Variants in NR6A1 observed in about 807,000 individuals in gnomAD.
The protein encoded by NR6A1 is nuclear receptor subfamily 6 group A member 1.
NR6A1 carries 7 observed loss-of-function variants against 59.1 expected under a neutral mutation model. The observed-to-expected ratio is 0.12, with a 90% CI of 0.07 to 0.22. The LOEUF (loss-of-function observed/expected upper bound fraction) is 0.22. Among genes scored for constraint, NR6A1 ranks in the 10% least tolerant of loss-of-function variants. NR6A1 has a pLI of 1.00. For missense variants in NR6A1, 468 were observed against 611.6 expected (o/e 0.77, Z 2.48); for synonymous variants, 243 against 236.1 (o/e 1.03, Z -0.27).
chr9:124,598,940 CAG>C lies in NR6A1; in HGVS notation c.143-44372_143-44371del, dbSNP rs563372543. 277 of 705,268 alleles carry C rather than the reference CAG, an allele frequency of 3.9e-4. 1 individual carries two copies. Among genetic ancestry groups the C allele is most frequent in the African/African-American group, 3.7e-3 (213 of 57,220 alleles). 43.7% of individuals were successfully genotyped at this position (705,268 alleles called of 1,614,324 possible). On this transcript the variant is annotated intron_variant, in intron 2 of 9. Coordinates refer to ENST00000487099, the MANE Select transcript of NR6A1 (RefSeq NM_033334.4). The stretch of plus-strand genomic sequence containing the variant: ...CTTGGGGCACTCGTCGTTCCAGACT[CAG>C]GCATGGTCATTACCCACGTTGGGTT...
chr9:124,604,791 G>C (rs779992854), intron 2 of NR6A1, among the ~76,000 whole-genome samples: 16 of 151,864 alleles, frequency 1.1e-4, no homozygotes, highest in Non-Finnish European at 2.1e-4. Flanking sequence ...TCCAGCCTGA[G>C]TGACAGAGCA....
intron 2 of NR6A1, among the ~76,000 whole-genome samples, chr9:124,666,777 GA>G (rs2130956762): frequency 6.6e-6 from 1 of 152,220 alleles, no homozygotes; most frequent in South Asian, 2.1e-4. Flanking sequence ...CAATAAACAA[GA>G]CAAAGGTGTT....
Position 124,765,476 on chromosome 9 carries a change from T to C in NR6A1, c.100+5544A>G, listed in dbSNP as rs542004316. On this transcript the variant is annotated intron_variant, in intron 1 of 9. Transcript: ENST00000487099. ...AAAAATTTGGGAGTTCAATTATTCC[T>C]ATAATTTTTTTAAGAACAAAAATTC... 3.9e-5 allele frequency among the ~76,000 whole-genome samples: 6 copies of C among 152,370 alleles called. No individual in the cohort carries two copies. In the East Asian group the frequency reaches 9.6e-4, roughly 24 times the overall value.
At chr9:124,628,436 C>A (rs528066825) in intron 2 of NR6A1, among the ~76,000 whole-genome samples, 1 of 152,054 alleles carries the variant, frequency 6.6e-6, no homozygotes, top group African/African-American at 2.4e-5. Context: ...CTGGGCCTCG[C>A]AGGTTCAAGC....
chr9:124,554,801 G>C (rs1178964337), intron 2 of NR6A1, among the ~76,000 whole-genome samples: 1 of 152,058 alleles, frequency 6.6e-6, no homozygotes, highest in Non-Finnish European at 1.5e-5. Flanking sequence ...TCAACACTTG[G>C]ATCAGTATCT....
chr9:124,714,823 A>G (rs1014966519), intron 2 of NR6A1, among the ~76,000 whole-genome samples: 2 of 152,198 alleles, frequency 1.3e-5, no homozygotes, highest in African/African-American at 2.4e-5. Flanking sequence ...TAAGATCTCA[A>G]CACTAAACTT....
intron 2 of NR6A1, among the ~76,000 whole-genome samples, chr9:124,662,476 C>A (rs560672236): frequency 4.8e-4 from 73 of 152,000 alleles, no homozygotes; most frequent in African/African-American, 1.5e-3. Flanking sequence ...TAGAACGGCT[C>A]GCAGTGAAGT....
chr9:124,564,684 T>A (rs1439713175), intron 2 of NR6A1, among the ~76,000 whole-genome samples: 1 of 5,524 alleles, frequency 1.8e-4, no homozygotes, highest in Non-Finnish European at 2.6e-3. Context: ...CCACACTCTG[T>A]GTGTGTGTGT....
At chr9:124,656,876 T>C (rs938990069) in intron 2 of NR6A1, among the ~76,000 whole-genome samples, 21 of 152,014 alleles carry the variant, frequency 1.4e-4, no homozygotes, top group Non-Finnish European at 2.5e-4. Flanking sequence ...AGAATGATGG[T>C]TGTCCCCAGG....
intron 2 of NR6A1, among the ~76,000 whole-genome samples, chr9:124,632,271 T>C (rs566512341): frequency 6.6e-6 from 1 of 152,194 alleles, no homozygotes; most frequent in Non-Finnish European, 1.5e-5. Context: ...TGAACTAACA[T>C]ACACTCCCAC....
At chr9:124,604,628 G>A (rs1835528844) in intron 2 of NR6A1, among the ~76,000 whole-genome samples, 1 of 152,076 alleles carries the variant, frequency 6.6e-6, no homozygotes. Context: ...GGGCAATATG[G>A]CAAAACCCCG....
At chr9:124,570,125 T>C (rs1195521154) in intron 2 of NR6A1, among the ~76,000 whole-genome samples, 2 of 152,236 alleles carry the variant, frequency 1.3e-5, no homozygotes, top group Admixed American at 6.5e-5. Flanking sequence ...CAACTCTATG[T>C]TCACCTTATC....
At chr9:124,756,170 T>C (rs1415327354) in intron 1 of NR6A1, among the ~76,000 whole-genome samples, 2 of 152,222 alleles carry the variant, frequency 1.3e-5, no homozygotes, top group South Asian at 2.1e-4. Flanking sequence ...CTTTTGAAAT[T>C]GACAAAAGCT....
At chr9:124,727,317 T>C (rs1839750731) in intron 2 of NR6A1, among the ~76,000 whole-genome samples, 1 of 152,056 alleles carries the variant, frequency 6.6e-6, no homozygotes, top group Admixed American at 6.5e-5. Context: ...TGGAGAAGAG[T>C]GAAATTTGTT....
chr9:124,666,559 A>G (rs1441766113), intron 2 of NR6A1, among the ~76,000 whole-genome samples: 3 of 152,186 alleles, frequency 2.0e-5, no homozygotes, highest in Non-Finnish European at 4.4e-5. Flanking sequence ...GATTACAAGC[A>G]TGAGCAACCA....
At chr9:124,578,687 C>G (rs1283109202) in intron 2 of NR6A1, among the ~76,000 whole-genome samples, 5 of 152,172 alleles carry the variant, frequency 3.3e-5, no homozygotes, top group Non-Finnish European at 7.4e-5. Context: ...ATTTTCCAAT[C>G]TATTCTATAA....
intron 2 of NR6A1, among the ~76,000 whole-genome samples, chr9:124,615,670 G>C (rs1455579758): frequency 6.6e-6 from 1 of 151,412 alleles, no homozygotes; most frequent in Non-Finnish European, 1.5e-5. Context: ...AGCAGACACT[G>C]AGTCACAAGG....
At chr9:124,659,292 G>A (rs1026634875) in intron 2 of NR6A1, among the ~76,000 whole-genome samples, 6 of 152,116 alleles carry the variant, frequency 3.9e-5, no homozygotes, top group Admixed American at 2.6e-4. Flanking sequence ...GGAGCGGGGG[G>A]GCGGGTAGGG....
chr9:124,669,054 A>C (rs1172315881), intron 2 of NR6A1, among the ~76,000 whole-genome samples: 2 of 152,212 alleles, frequency 1.3e-5, no homozygotes, highest in Non-Finnish European at 1.5e-5. Flanking sequence ...AAACCCTCTA[A>C]CAGGACACAG....
Sources: allele counts gnomAD v4.1 joint callset (sites outside exome capture counted in the v4.1 genomes callset), GRCh38; gene constraint gnomAD v4.1.1; transcripts MANE v1.5; gene names NCBI Gene and HGNC (gene_info 2026-07-23, HGNC 2026-07-21).